Variants in ESRRG observed in about 807,000 individuals in gnomAD.
ESRRG encodes estrogen related receptor gamma.
Under a neutral mutation model 44.0 loss-of-function variants are expected in ESRRG, and 13 were observed. That is an observed-to-expected ratio of 0.30 (90% confidence interval 0.19 to 0.47). The LOEUF (loss-of-function observed/expected upper bound fraction) is 0.47. ESRRG is among the 20% of genes least tolerant of loss of function. The probability of loss-of-function intolerance (pLI) is 1.00; values close to 1 mark genes in which losing one functional copy is unlikely to be tolerated. For synonymous variants in ESRRG, 215 were observed against 214.6 expected (o/e 1.00, Z -0.02); for missense variants, 395 against 580.6 (o/e 0.68, Z 3.29).
intron 2 of ESRRG, among the ~76,000 whole-genome samples, chr1:216,769,406 A>C (rs2093279926): frequency 6.6e-6 from 1 of 152,140 alleles, no homozygotes; most frequent in Admixed American, 6.6e-5. Context: ...AAACAAACCA[A>C]ATTTATTTAA....
chr1:216,760,997 T>C (rs543742273), intron 2 of ESRRG, among the ~76,000 whole-genome samples: 2 of 152,096 alleles, frequency 1.3e-5, no homozygotes, highest in East Asian at 1.9e-4. Flanking sequence ...GTCTCCTTTG[T>C]TCATATCGGC....
At chr1:217,084,982 A>T (rs181788629) in intron 1 of ESRRG, among the ~76,000 whole-genome samples, 2 of 152,154 alleles carry the variant, frequency 1.3e-5, no homozygotes, top group East Asian at 3.9e-4. Context: ...AATATTATAA[A>T]TATACTAATA....
chr1:216,892,922 C>T (rs140406688), intron 2 of ESRRG, among the ~76,000 whole-genome samples: 4 of 152,160 alleles, frequency 2.6e-5, no homozygotes, highest in East Asian at 3.9e-4. Flanking sequence ...TGTTTTAAGG[C>T]GATTTTCTTC....
chr1:217,123,403 C>G (rs2092847593), intron 1 of ESRRG, among the ~76,000 whole-genome samples: 4 of 152,070 alleles, frequency 2.6e-5, no homozygotes, highest in Non-Finnish European at 4.4e-5. Context: ...AAATTTTAAG[C>G]ACAATTCTTC....
chr1:217,022,876 G>A (rs1055578584), intron 1 of ESRRG, among the ~76,000 whole-genome samples: 1 of 152,134 alleles, frequency 6.6e-6, no homozygotes, highest in African/African-American at 2.4e-5. Context: ...AGGAAGGCAG[G>A]GAGGATGGAT....
chr1:216,868,383 C>T (rs919763670), intron 2 of ESRRG, among the ~76,000 whole-genome samples: 15 of 152,098 alleles, frequency 9.9e-5, no homozygotes, highest in Admixed American at 7.2e-4. Flanking sequence ...TGTGCCACCA[C>T]GCCAGGCAGA....
At chr1:217,004,299 GTCA>G (rs2077439120) in intron 1 of ESRRG, among the ~76,000 whole-genome samples, 1 of 152,164 alleles carries the variant, frequency 6.6e-6, no homozygotes, top group Non-Finnish European at 1.5e-5. Flanking sequence ...ATACCCAGGT[GTCA>G]AGGGCAGGGC....
At position 216,783,661 on chromosome 1, in the gene ESRRG, C is replaced by T. The variant is rs558210970; in HGVS notation, c.-13-106170G>A. ...TTAAGCTATTCCCTCCTCAATTGGT[C>T]ACAAATTCCTGAAGGAATTCAAGTC... On this transcript the variant is annotated intron_variant, in intron 2 of 7. Coordinates refer to the ESRRG transcript ENST00000359162. 1.3e-3 allele frequency among the ~76,000 whole-genome samples: 191 copies of T among 152,038 alleles called. 1 individual carries two copies. Among genetic ancestry groups the T allele is most frequent in the Non-Finnish European group, 5.0e-4 (34 of 67,950 alleles).
At chr1:217,024,925 C>T (rs1344206699) in intron 1 of ESRRG, among the ~76,000 whole-genome samples, 1 of 152,218 alleles carries the variant, frequency 6.6e-6, no homozygotes, top group African/African-American at 2.4e-5. Context: ...TACTTTAAAA[C>T]ATCCTTCCAC....
At chr1:216,595,875 A>G (rs536146560) in intron 3 of ESRRG, among the ~76,000 whole-genome samples, 1 of 152,380 alleles carries the variant, frequency 6.6e-6, no homozygotes, top group Non-Finnish European at 1.5e-5. Flanking sequence ...TAGGACTTTA[A>G]GAATAAAACT....
At chr1:217,049,327 T>C (rs2085472742) in intron 1 of ESRRG, among the ~76,000 whole-genome samples, 1 of 152,172 alleles carries the variant, frequency 6.6e-6, no homozygotes, top group South Asian at 2.1e-4. Flanking sequence ...CGGCACAGTC[T>C]CCTAAACCTA....
intron 2 of ESRRG, among the ~76,000 whole-genome samples, chr1:216,793,197 G>A (rs540705439): frequency 2.6e-5 from 4 of 152,226 alleles, no homozygotes; most frequent in Non-Finnish European, 5.9e-5. Flanking sequence ...ACACTGAGCA[G>A]GTCAGTATTT....
At chr1:216,724,390 T>G (rs1185835842), upstream of ESRRG, among the ~76,000 whole-genome samples, 1 of 148,406 alleles carries the variant, frequency 6.7e-6, no homozygotes, top group Non-Finnish European at 1.5e-5. Flanking sequence ...AGGGAGAGCA[T>G]TACTAAACAG....
At chr1:216,874,669 A>T (rs919910983) in intron 2 of ESRRG, among the ~76,000 whole-genome samples, 1 of 147,930 alleles carries the variant, frequency 6.8e-6, no homozygotes. Flanking sequence ...GATTTGATTG[A>T]AGGATGTAAA....
intron 2 of ESRRG, among the ~76,000 whole-genome samples, chr1:216,912,808 G>A (rs2060631595): frequency 6.6e-6 from 1 of 151,896 alleles, no homozygotes; most frequent in African/African-American, 2.4e-5. Flanking sequence ...CACATCCCTG[G>A]ATTCAACCAA....
Position 216,899,302 on chromosome 1 carries a change from G to A in ESRRG, c.-14+40280C>T, listed in dbSNP as rs142056563. On this transcript the variant is annotated intron_variant, in intron 2 of 7. Coordinates refer to the ESRRG transcript ENST00000359162. ...TTTGAATAAATATTCTTATTAGTGC[G>A]AAACTTTATAGACAATGTTGACGAT... is the stretch of plus-strand genomic sequence containing the variant. 1.8e-3 allele frequency among the ~76,000 whole-genome samples: 280 copies of A among 152,220 alleles called. 1 individual carries two copies. The highest frequency in any genetic ancestry group is 6.3e-3 in the African/African-American group (262 of 41,528).
At chr1:217,119,291 T>C (rs1163455504) in intron 1 of ESRRG, among the ~76,000 whole-genome samples, 1 of 152,178 alleles carries the variant, frequency 6.6e-6, no homozygotes, top group Non-Finnish European at 1.5e-5. Context: ...ATAGAGGCTG[T>C]TTGTGTCGTT....
chr1:217,003,272 C>T (rs992822083), intron 1 of ESRRG, among the ~76,000 whole-genome samples: 3 of 152,060 alleles, frequency 2.0e-5, no homozygotes, highest in South Asian at 4.2e-4. Flanking sequence ...TGAATAATGG[C>T]CATACTTAAT....
chr1:217,062,439 C>T lies in ESRRG; in HGVS notation c.-106+27068G>A, dbSNP rs188764535. Among the ~76,000 whole-genome samples, 90 of 152,218 alleles carry T rather than the reference C, an allele frequency of 5.9e-4. 2 individuals are homozygous for T. The East Asian group carries it at 0.012, about 21-fold the overall frequency. On this transcript the variant is annotated intron_variant, in intron 1 of 7. Transcript: ENST00000359162. ...AAGAACAGGGCACTGTATTCAATTT[C>T]GGTGCAGTGAGGGGTTTGAGTAATC...
Sources: allele counts gnomAD v4.1 joint callset (sites outside exome capture counted in the v4.1 genomes callset), GRCh38; gene constraint gnomAD v4.1.1; transcripts MANE v1.5; gene names NCBI Gene and HGNC (gene_info 2026-07-23, HGNC 2026-07-21).